PYHIN1: variants seen among roughly 807,000 people sequenced by gnomAD.
PYHIN1 encodes pyrin and HIN domain family member 1.
PYHIN1 carries 32 observed loss-of-function variants against 43.7 expected under a neutral mutation model. That is an observed-to-expected ratio of 0.73 (90% CI 0.55 to 0.98). The LOEUF (loss-of-function observed/expected upper bound fraction) is 0.98, where lower values mean the gene tolerates loss of function less well. Among genes scored for constraint, PYHIN1 ranks in the 50% least tolerant of loss-of-function variants. PYHIN1 has a pLI of 0.00. For synonymous variants in PYHIN1, 205 were observed against 203.1 expected (o/e 1.01, Z -0.08); for missense variants, 588 against 589.5 (o/e 1.00, Z 0.03).
chr1:158,949,698 C>G (rs993917042), intron 7 of PYHIN1, among the ~76,000 whole-genome samples: 1 of 152,126 alleles, frequency 6.6e-6, no homozygotes, highest in Non-Finnish European at 1.5e-5. Context: ...CATGTCCCTA[C>G]AAAGGACATG....
At chr1:158,939,614 C>A in intron 4 of PYHIN1, 1 of 1,212,752 alleles carries the variant, frequency 8.2e-7, no homozygotes, top group Non-Finnish European at 1.2e-6. Context: ...TTAGGATTTT[C>A]ACACACCATA....
downstream of PYHIN1, among the ~76,000 whole-genome samples, chr1:158,978,090 A>G (rs1406586498): frequency 6.6e-6 from 1 of 152,122 alleles, no homozygotes; most frequent in African/African-American, 2.4e-5. Flanking sequence ...TATGGTTTGG[A>G]CCAACAATCC....
intron 7 of PYHIN1, among the ~76,000 whole-genome samples, chr1:158,952,380 TAA>T (rs5778102): frequency 2.2e-3 from 328 of 149,402 alleles, no homozygotes; most frequent in African/African-American, 5.2e-3. Flanking sequence ...TTATAAGCGT[TAA>T]AAAAAAAAAA....
chr1:158,989,842 G>A, the PYHIN1 span, among the ~76,000 whole-genome samples: 2 of 151,872 alleles, frequency 1.3e-5, no homozygotes, highest in Non-Finnish European at 2.9e-5. Flanking sequence ...CTTTTCATCA[G>A]AGCATTTATC....
downstream of PYHIN1, among the ~76,000 whole-genome samples, chr1:158,980,348 G>A (rs1651443852): frequency 6.6e-6 from 1 of 152,088 alleles, no homozygotes; most frequent in African/African-American, 2.4e-5. Context: ...CAGAATAGTA[G>A]CGATTTTTAG....
At chr1:158,937,259 TGATACATCC>T (rs1488637816) in intron 2 of PYHIN1, 84 bp downstream of exon 2, 1 of 1,406,328 alleles carries the variant, frequency 7.1e-7, no homozygotes, top group African/African-American at 1.4e-5. Context: ...TGGTCGTAGC[TGATACATCC>T]TTTTCCCAAT....
intron 7 of PYHIN1, among the ~76,000 whole-genome samples, chr1:158,963,705 G>T (rs529295811): frequency 6.6e-6 from 1 of 152,272 alleles, no homozygotes; most frequent in East Asian, 1.9e-4. Flanking sequence ...CCATGGACAA[G>T]AATTTAGCTA....
chr1:158,976,602 A>G, intron 8 of PYHIN1, 99 bp from the exon 9 acceptor site: 1 of 810,896 alleles, frequency 1.2e-6, no homozygotes, highest in Non-Finnish European at 2.0e-6. Flanking sequence ...ATAGAAGAAG[A>G]GATGTGGCTC....
chr1:158,937,642 G>A (rs1648637570), intron 2 of PYHIN1, among the ~76,000 whole-genome samples: 1 of 152,118 alleles, frequency 6.6e-6, no homozygotes, highest in Admixed American at 6.5e-5. Flanking sequence ...ATGTTATTGA[G>A]TTAAAATAAT....
At chr1:158,978,785 G>A (rs1474115598), downstream of PYHIN1, among the ~76,000 whole-genome samples, 3 of 152,166 alleles carry the variant, frequency 2.0e-5, no homozygotes, top group African/African-American at 7.2e-5. Flanking sequence ...CCTGTTCACT[G>A]TGTTTTAATT....
chr1:158,948,513 T>TC (rs1462580669), intron 7 of PYHIN1, among the ~76,000 whole-genome samples: 2 of 152,134 alleles, frequency 1.3e-5, no homozygotes, highest in Non-Finnish European at 2.9e-5. Context: ...GTCTTGTTGC[T>TC]CCCCCACATA....
In PYHIN1 at chr1:158,976,752, G is replaced by A; in HGVS notation, c.*57G>A. On this transcript the variant is annotated 3_prime_UTR_variant, in exon 9 of 9. Transcript: ENST00000368140. Reference sequence around the variant, plus strand: ...ACTACTGTTCAATCTTTACTCAAGTGTGGAAATTTTGCCTGAAGTCCTCCA... The same window carrying A: ...ACTACTGTTCAATCTTTACTCAAGTATGGAAATTTTGCCTGAAGTCCTCCA... The A allele has an allele frequency of 6.3e-7, 1 of 1,597,114 alleles. No individual in the cohort carries two copies. Among genetic ancestry groups the A allele is most frequent in the Non-Finnish European group, 8.5e-7 (1 of 1,170,258 alleles).
chr1:158,939,746 T>C (rs1043697132), intron 4 of PYHIN1: 17 of 549,644 alleles, frequency 3.1e-5, no homozygotes, highest in Non-Finnish European at 5.2e-5. Flanking sequence ...CTTCATGGTG[T>C]TCTGTTTCCT....
chr1:158,943,611 A>G (rs1223823864), intron 5 of PYHIN1, among the ~76,000 whole-genome samples, 179 bp from the exon 6 acceptor site: 2 of 152,152 alleles, frequency 1.3e-5, no homozygotes, highest in Non-Finnish European at 2.9e-5. Flanking sequence ...GACTTAAACA[A>G]AAAGGATATT....
intron 7 of PYHIN1, among the ~76,000 whole-genome samples, chr1:158,964,074 C>T (rs1216929962): frequency 3.9e-5 from 6 of 151,962 alleles, no homozygotes; most frequent in Non-Finnish European, 7.4e-5. Context: ...AAATACATTA[C>T]AAGAATTTCA....
Position 158,937,729 on chromosome 1 carries a change from G to T in PYHIN1, c.265+554G>T, listed in dbSNP as rs566342523. Among the ~76,000 whole-genome samples the T allele has an allele frequency of 1.3e-4, 20 of 152,186 alleles. No individual in the cohort carries two copies. The East Asian group carries it at 3.7e-3, about 28-fold the overall frequency. On this transcript the variant is annotated intron_variant, in intron 2 of 8. Transcript: ENST00000368140. ...TGGGAGGCTGAGGTGGGTGGATCAC[G>T]AGGTCAGGAGATCGAGACCATCCTG...
At chr1:158,947,038 G>T (rs1649262070) in intron 7 of PYHIN1, among the ~76,000 whole-genome samples, 1 of 152,072 alleles carries the variant, frequency 6.6e-6, no homozygotes, top group Non-Finnish European at 1.5e-5. Context: ...ACCACATCAT[G>T]CAGTTTCTTA....
intron 7 of PYHIN1, among the ~76,000 whole-genome samples, chr1:158,957,266 T>C (rs1371595247): frequency 6.7e-6 from 1 of 150,348 alleles, no homozygotes; most frequent in Non-Finnish European, 1.5e-5. Flanking sequence ...TTAAAGTTCA[T>C]ATGGAACCAA....
At chr1:158,936,024 T>C (rs1274113757) in intron 1 of PYHIN1, among the ~76,000 whole-genome samples, 1 of 152,156 alleles carries the variant, frequency 6.6e-6, no homozygotes, top group Non-Finnish European at 1.5e-5. Flanking sequence ...ATTAAGTCCT[T>C]CTTTATCACA....
Sources: allele counts gnomAD v4.1 joint callset (sites outside exome capture counted in the v4.1 genomes callset), GRCh38; gene constraint gnomAD v4.1.1; transcripts MANE v1.5; gene names NCBI Gene and HGNC (gene_info 2026-07-23, HGNC 2026-07-21).